NUP205: variants seen among roughly 807,000 people sequenced by gnomAD.
NUP205 encodes nucleoporin 205.
A neutral mutation model predicts 253.8 loss-of-function variants in NUP205; 76 were observed. The observed-to-expected ratio is 0.30, with a 90% CI of 0.25 to 0.36. The LOEUF (loss-of-function observed/expected upper bound fraction) is 0.36. NUP205 is among the 10% of genes least tolerant of loss of function. The probability of loss-of-function intolerance (pLI) is 1.00; values close to 1 mark genes in which losing one functional copy is unlikely to be tolerated. For missense variants in NUP205, 2,162 were observed against 2,425.5 expected (o/e 0.89, Z 2.28); for synonymous variants, 832 against 850.1 (o/e 0.98, Z 0.37).
chr7:135,593,229 T>TATA (rs1806679366), intron 12 of NUP205, 37 bp downstream of exon 12: 1 of 1,550,462 alleles, frequency 6.4e-7, no homozygotes, highest in Non-Finnish European at 8.9e-7. Flanking sequence ...TTATTTTTAT[T>TATA]ATAGCACAGT....
chr7:135,612,699 A>G (rs959966399), intron 22 of NUP205, among the ~76,000 whole-genome samples: 1 of 152,206 alleles, frequency 6.6e-6, no homozygotes, highest in Non-Finnish European at 1.5e-5. Flanking sequence ...CCATGGAAGC[A>G]CTGCAAGTAT....
rs1340782595 is a variant in NUP205, at chr7:135,575,431, G to T, written c.344-839G>T. On this transcript the variant is annotated intron_variant, in intron 3 of 42. Transcript: ENST00000285968. ...GAACAGAAAGGAGTAGAGTGGAGGA[G>T]TAGTTGCAGTAAGGGGAAAAGAAAG... Among the ~76,000 whole-genome samples, 53 of 152,066 alleles carry T rather than the reference G, an allele frequency of 3.5e-4. 1 individual carries two copies. The highest frequency in any genetic ancestry group is 1.3e-4 in the Non-Finnish European group (9 of 68,008).
At chr7:135,645,353 G>A (rs1794986182) in intron 40 of NUP205, 115 bp from the exon 41 acceptor site, 9 of 1,064,384 alleles carry the variant, frequency 8.5e-6, no homozygotes, top group Non-Finnish European at 1.2e-5. Context: ...GTTAGACTGA[G>A]GCTGTGGGTA....
intron 12 of NUP205, 67 bp from the exon 13 acceptor site, chr7:135,594,480 A>G (rs1327297958): frequency 5.7e-6 from 7 of 1,226,818 alleles, no homozygotes; most frequent in Non-Finnish European, 8.1e-6. Flanking sequence ...AGCAATTTAG[A>G]TGATTGCTGG....
intron 34 of NUP205, among the ~76,000 whole-genome samples, chr7:135,629,028 A>G (rs1794651258): frequency 6.6e-6 from 1 of 152,210 alleles, no homozygotes; most frequent in Admixed American, 6.5e-5. Context: ...GTTCCCTAAC[A>G]CCAATCTTGT....
intron 18 of NUP205, 89 bp downstream of exon 18, chr7:135,603,083 A>G: frequency 3.7e-6 from 3 of 807,070 alleles, no homozygotes; most frequent in Non-Finnish European, 3.6e-6. Flanking sequence ...CTAGTGCATC[A>G]CCTTTTTTTT....
At chr7:135,568,545 G>C (rs1419093934) in intron 1 of NUP205, among the ~76,000 whole-genome samples, 1 of 151,976 alleles carries the variant, frequency 6.6e-6, no homozygotes, top group East Asian at 1.9e-4. Context: ...TGTTGGCCAG[G>C]CTGGTCTCGA....
rs750057107 is a variant in NUP205, at chr7:135,618,609, G to T, written c.3963+6G>T. 2.5e-6 allele frequency: 4 copies of T among 1,573,724 alleles called. No homozygotes were observed. Among genetic ancestry groups the T allele is most frequent in the Admixed American group, 3.6e-5 (2 of 54,800 alleles). ...TACAAGATGTGCATGATAAGGTGAC[G>T]TACTTCCTAAAATACTTTATACTGC... On this transcript the variant is annotated splice_donor_region_variant and intron_variant, in intron 28 of 42. Coordinates refer to ENST00000285968, the MANE Select transcript of NUP205 (RefSeq NM_015135.3).
chr7:135,636,716 C>CT, intron 36 of NUP205, among the ~76,000 whole-genome samples: 2 of 152,288 alleles, frequency 1.3e-5, no homozygotes, highest in South Asian at 4.1e-4. Context: ...CTTATCGAAA[C>CT]TTACAGTGGC....
At chr7:135,581,711 A>G (rs182726613) in intron 7 of NUP205, among the ~76,000 whole-genome samples, 38 of 151,390 alleles carry the variant, frequency 2.5e-4, no homozygotes, top group African/African-American at 8.7e-4. Flanking sequence ...AAATTAGCCA[A>G]GCATGGTGGC....
At chr7:135,578,609 T>G in intron 6 of NUP205, 142 bp from the exon 7 acceptor site, 1 of 560,810 alleles carries the variant, frequency 1.8e-6, no homozygotes, top group Non-Finnish European at 3.1e-6. Context: ...GTGTACCTTT[T>G]GGGATGTAGA....
intron 1 of NUP205, among the ~76,000 whole-genome samples, chr7:135,568,276 G>A (rs1231901510): frequency 6.6e-6 from 1 of 151,450 alleles, no homozygotes; most frequent in Non-Finnish European, 1.5e-5. Context: ...CCAAAAATGG[G>A]ACAGAACACA....
chr7:135,603,797 G>T (rs530640274), intron 18 of NUP205, among the ~76,000 whole-genome samples: 1 of 152,028 alleles, frequency 6.6e-6, no homozygotes, highest in Admixed American at 6.6e-5. Flanking sequence ...GGTGTGAGCC[G>T]CTGTGCCCAC....
intron 10 of NUP205, among the ~76,000 whole-genome samples, chr7:135,590,403 T>A (rs1027968356): frequency 6.6e-6 from 1 of 152,188 alleles, no homozygotes; most frequent in Non-Finnish European, 1.5e-5. Flanking sequence ...CGTGAGCCAC[T>A]GTGCCCAGCC....
intron 1 of NUP205, chr7:135,558,351 C>T (rs1805489239): frequency 3.7e-6 from 1 of 273,044 alleles, no homozygotes. Context: ...AGATATTTTC[C>T]AGCCATGAGC....
In NUP205 at chr7:135,638,003, A is replaced by C. The variant is rs770553872; in HGVS notation, c.5209A>C (p.Asn1737His). Reference protein sequence around the residue: ...RLRQFKFQDDNVEGDKVSKKD... With the variant: ...RLRQFKFQDDHVEGDKVSKKD... ...GCGTCAGTTTAAATTTCAAGACGAT[A>C]ATGTGGAGGGAGATAAAGTAAGCAA... Residue 1737 changes from asparagine to histidine, a missense_variant, in exon 37 of 43, where the codon AAT becomes CAT. Around this residue, in one of 5 missense-constraint regions of NUP205, gnomAD observed 1,144 missense variants for 1,280.9 expected, o/e 0.89. Transcript: ENST00000285968. 3 of 1,614,090 alleles carry C rather than the reference A, an allele frequency of 1.9e-6. No individual in the cohort carries two copies. In the South Asian group the frequency reaches 3.3e-5, roughly 18 times the overall value.
intron 39 of NUP205, 142 bp downstream of exon 39, chr7:135,643,500 C>G (rs1794952640): frequency 3.1e-6 from 2 of 639,448 alleles, no homozygotes; most frequent in Non-Finnish European, 5.1e-6. Flanking sequence ...AAGAAGACTC[C>G]TTCGCCGTAG....
intron 36 of NUP205, among the ~76,000 whole-genome samples, chr7:135,636,029 G>A (rs769718484): frequency 6.6e-6 from 1 of 150,900 alleles, no homozygotes; most frequent in Non-Finnish European, 1.5e-5. Flanking sequence ...AATAAGCCAC[G>A]AGCAGACTGT....
intron 10 of NUP205, among the ~76,000 whole-genome samples, chr7:135,589,306 A>T (rs184914012): frequency 0.014 from 1,965 of 143,134 alleles, 70 homozygotes; most frequent in Non-Finnish European, 0.021. Flanking sequence ...TTTTTTTGAG[A>T]TGGAGTTTCG....
Sources: allele counts gnomAD v4.1 joint callset (sites outside exome capture counted in the v4.1 genomes callset), GRCh38; gene constraint gnomAD v4.1.1; regional missense constraint gnomAD v4.1.1; transcripts MANE v1.5; gene names NCBI Gene and HGNC (gene_info 2026-07-23, HGNC 2026-07-21).